Variants in RMP64 observed in about 807,000 individuals in gnomAD.
RMP64 encodes nucleolus and neural progenitor protein.
At chr3:113,011,405 C>A in the RMP64 span, 2 of 1,552,872 alleles carry the variant, frequency 1.3e-6, no homozygotes, top group Non-Finnish European at 1.7e-6. Flanking sequence ...TTATAGAGAA[C>A]CCTAGAGAAA....
the RMP64 span, chr3:113,005,655 C>T: frequency 1.2e-6 from 2 of 1,613,798 alleles, no homozygotes; most frequent in South Asian, 1.1e-5. Flanking sequence ...TCATGGATGC[C>T]TCTAAGATTT....
At chr3:113,017,838 G>A in the RMP64 span, among the ~76,000 whole-genome samples, 1 of 152,154 alleles carries the variant, frequency 6.6e-6, no homozygotes, top group Admixed American at 6.5e-5. Flanking sequence ...ACAAGAAGCT[G>A]TATCTTTGCA....
the RMP64 span, chr3:113,013,504 T>C: frequency 2.7e-6 from 3 of 1,097,036 alleles, no homozygotes; most frequent in South Asian, 1.6e-5. Flanking sequence ...ATAAAGGATA[T>C]GACAAAGGAT....
chr3:113,008,641 TACGTACCC>T, the RMP64 span: 1 of 390,710 alleles, frequency 2.6e-6, no homozygotes, highest in Non-Finnish European at 4.6e-6. Flanking sequence ...ATATACCTGC[TACGTACCC>T]ACAAAACCTA....
chr3:113,007,694 A>T, the RMP64 span, among the ~76,000 whole-genome samples: 3 of 152,252 alleles, frequency 2.0e-5, no homozygotes. Flanking sequence ...TGCTACAAAC[A>T]GTAGCAAGTA....
chr3:113,009,780 A>G, the RMP64 span, among the ~76,000 whole-genome samples: 2 of 152,218 alleles, frequency 1.3e-5, no homozygotes, highest in African/African-American at 4.8e-5. Flanking sequence ...GACTTCATGC[A>G]TATAAAAGCA....
chr3:113,013,451 G>GGT, the RMP64 span: 2 of 1,260,876 alleles, frequency 1.6e-6, no homozygotes, highest in African/African-American at 1.8e-5. Context: ...AAAAAAAAGG[G>GGT]TTTTTTTTTT....
the RMP64 span, among the ~76,000 whole-genome samples, chr3:113,009,004 ACCT>A: frequency 6.6e-6 from 1 of 152,050 alleles, no homozygotes; most frequent in Non-Finnish European, 1.5e-5. Context: ...TCCTGGGCAA[ACCT>A]CCTCAATTTA....
the RMP64 span, chr3:113,019,654 CG>C: frequency 3.1e-6 from 5 of 1,595,118 alleles, no homozygotes; most frequent in Admixed American, 3.4e-5. Context: ...TCATGCGAGG[CG>C]GGGGGACTTA....
At chr3:113,012,479 C>T in the RMP64 span, 5 of 319,936 alleles carry the variant, frequency 1.6e-5, no homozygotes, top group Admixed American at 1.4e-4. Context: ...AGTGTGACAC[C>T]AGTCACTCCC....
chr3:113,014,846 CTT>C, the RMP64 span: 2 of 152,104 alleles, frequency 1.3e-5, no homozygotes, highest in Non-Finnish European at 2.9e-5. Context: ...CCTTCTCTCT[CTT>C]GGGTTTTTTT....
the RMP64 span, among the ~76,000 whole-genome samples, chr3:113,015,691 C>T: frequency 6.6e-6 from 1 of 152,010 alleles, no homozygotes; most frequent in Non-Finnish European, 1.5e-5. Context: ...AGTTGTAAGG[C>T]AGTAGTAGAA....
chr3:113,005,449 G>T, the RMP64 span: 1 of 824,694 alleles, frequency 1.2e-6, no homozygotes, highest in Non-Finnish European at 2.0e-6. Context: ...TGTGAGTCCA[G>T]GTGGTACTTC....
chr3:113,012,598 C>A, the RMP64 span: 1 of 530,992 alleles, frequency 1.9e-6, no homozygotes, highest in Non-Finnish European at 3.3e-6. Context: ...CCTCAAAAAA[C>A]TCTGATCAAA....
the RMP64 span, chr3:113,010,537 T>C: frequency 1.1e-6 from 1 of 921,364 alleles, no homozygotes; most frequent in Non-Finnish European, 1.7e-6. Context: ...GGCACTAAGC[T>C]TAGAGCTGGG....
the RMP64 span, chr3:113,019,503 C>T: frequency 6.5e-7 from 1 of 1,537,500 alleles, no homozygotes; most frequent in Non-Finnish European, 9.0e-7. Flanking sequence ...CGGCCTCCCC[C>T]GGAAACGTTC....
At chr3:113,010,702 C>A in the RMP64 span, 14 of 1,612,756 alleles carry the variant, frequency 8.7e-6, no homozygotes, top group Non-Finnish European at 1.2e-5. Flanking sequence ...TCTGATGACT[C>A]TTCTGTGGAG....
the RMP64 span, among the ~76,000 whole-genome samples, chr3:113,015,508 G>C: frequency 6.6e-6 from 1 of 151,940 alleles, no homozygotes; most frequent in Non-Finnish European, 1.5e-5. Flanking sequence ...TAGATTTTTA[G>C]CAACTAGAGA....
chr3:113,014,961 A>G, the RMP64 span: 1 of 152,180 alleles, frequency 6.6e-6, no homozygotes, highest in African/African-American at 2.4e-5. Flanking sequence ...TGAAAACTGA[A>G]AAAGATAGGA....
Sources: gnomAD v4.1 joint callset for allele counts (sites outside exome capture counted in the v4.1 genomes callset) on GRCh38, gnomAD v4.1.1 for gene constraint, MANE v1.5 for transcripts, NCBI Gene and HGNC (gene_info 2026-07-23, HGNC 2026-07-21) for gene names.